TCF7L2: variants seen among roughly 807,000 people sequenced by gnomAD.
The protein encoded by TCF7L2 is transcription factor 7 like 2, also known as transcription factor 7-like 2.
Under a neutral mutation model 77.9 loss-of-function variants are expected in TCF7L2, and 23 were observed. The ratio of observed to expected loss-of-function variants is 0.30; its 90% CI spans 0.21 to 0.42. The LOEUF (loss-of-function observed/expected upper bound fraction) is 0.42, where lower values mean the gene tolerates loss of function less well. Among genes scored for constraint, TCF7L2 ranks in the 10% least tolerant of loss-of-function variants. The probability of loss-of-function intolerance (pLI) is 1.00; values close to 1 mark genes in which losing one functional copy is unlikely to be tolerated. For synonymous variants in TCF7L2, 413 were observed against 340.2 expected, an observed-to-expected ratio of 1.21 and a Z score of -2.36; for missense variants, 654 against 793.1, an observed-to-expected ratio of 0.82 and a Z score of 2.11.
chr10:113,160,079 C>A, intron 12 of TCF7L2, 87 bp downstream of exon 14: 2 of 1,228,312 alleles, frequency 1.6e-6, no homozygotes, highest in Non-Finnish European at 2.4e-6. Context: ...TGCTTTGTAG[C>A]TCTGTGTGTG....
At chr10:112,967,394 A>G (rs2037198834) in intron 4 of TCF7L2, among the ~76,000 whole-genome samples, 1 of 152,072 alleles carries the variant, frequency 6.6e-6, no homozygotes, top group Non-Finnish European at 1.5e-5. Flanking sequence ...TTCCCTTCCC[A>G]TCCCTCCTGT....
intron 4 of TCF7L2, among the ~76,000 whole-genome samples, chr10:112,988,460 A>C (rs1194894554): frequency 1.3e-5 from 2 of 151,986 alleles, no homozygotes; most frequent in Non-Finnish European, 2.9e-5. Context: ...CGTCCTTTTT[A>C]TCTTTCTTCC....
At chr10:113,070,266 A>AAAATATAT (rs1555004045) in intron 5 of TCF7L2, among the ~76,000 whole-genome samples, 2 of 96,464 alleles carry the variant, frequency 2.1e-5, no homozygotes, top group Admixed American at 2.0e-4. Flanking sequence ...AAAAAAAAAA[A>AAAATATAT]ATTTATATAT....
Position 113,147,754 on chromosome 10 carries a change from G to A in TCF7L2, c.875+1657G>A, listed in dbSNP as rs909306550. On this transcript the variant is annotated intron_variant, in intron 8 of 13. Transcript: ENST00000627217. ...TTTTTCATGTTTGTTTATTTGGTGCGTTCTGGAGGTTAACAGTGGTAAAGT... is the reference window on the plus strand; with the variant it reads ...TTTTTCATGTTTGTTTATTTGGTGCATTCTGGAGGTTAACAGTGGTAAAGT... Among the ~76,000 whole-genome samples, 8 of 152,210 alleles carry A rather than the reference G, an allele frequency of 5.3e-5. No individual in the cohort carries two copies. The East Asian group carries it at 5.8e-4, about 11-fold the overall frequency.
intron 4 of TCF7L2, among the ~76,000 whole-genome samples, chr10:112,984,931 C>A (rs777156537): frequency 2.6e-5 from 4 of 152,150 alleles, no homozygotes; most frequent in Admixed American, 2.6e-4. Context: ...ATGGATAAAA[C>A]GCTTTGGCAC....
chr10:113,158,035 G>A lies in TCF7L2; in HGVS notation c.1284G>A (p.Lys428=), dbSNP rs1564980695. Residue 428 remains lysine, a synonymous_variant, in exon 12 of 14, where the codon AAG becomes AAA. Transcript: ENST00000627217. ...TCTTCATCTAGGGAAAGAAGAAGAA[G>A]AGGAAAAGGGACAAGCAGCCGGGAG... 1 of 1,596,500 alleles carries A rather than the reference G, an allele frequency of 6.3e-7. No homozygotes were observed. The highest frequency in any genetic ancestry group is 8.5e-7 in the Non-Finnish European group (1 of 1,170,620).
chr10:113,096,396 T>C (rs2060975705), intron 5 of TCF7L2, among the ~76,000 whole-genome samples: 1 of 152,234 alleles, frequency 6.6e-6, no homozygotes, highest in Non-Finnish European at 1.5e-5. Context: ...TGAGTTCTTA[T>C]TCTTCCTTAT....
chr10:112,993,198 A>C (rs746556578), intron 4 of TCF7L2, among the ~76,000 whole-genome samples: 2 of 151,964 alleles, frequency 1.3e-5, no homozygotes, highest in Non-Finnish European at 2.9e-5. Context: ...GGACCTGGAG[A>C]ATGGGTCTTT....
chr10:113,166,069 C>CT lies in TCF7L2; in HGVS notation c.*98dup. On this transcript the variant is annotated 3_prime_UTR_variant, in exon 14 of 14. Transcript: ENST00000627217. ...ACCTTGAAAGGTTTTGTTTTGTACT[C>CT]TCTTAATTTTGTGCCATGTGGCTAC... is the stretch of plus-strand genomic sequence containing the variant. 3 of 1,203,886 alleles carry CT rather than the reference C, an allele frequency of 2.5e-6. No homozygotes were observed. Among genetic ancestry groups the CT allele is most frequent in the Non-Finnish European group, 3.3e-6 (3 of 922,988 alleles). 74.6% of individuals were successfully genotyped at this position (1,203,886 alleles called of 1,614,324 possible).
intron 13 of TCF7L2, chr10:113,161,630 C>T (rs1427840308): frequency 6.5e-7 from 1 of 1,535,832 alleles, no homozygotes; most frequent in Non-Finnish European, 8.7e-7. Context: ...CCTAAACACG[C>T]TTCCCTGTTT....
At chr10:112,990,549 A>G (rs1347931223) in intron 4 of TCF7L2, among the ~76,000 whole-genome samples, 1 of 151,890 alleles carries the variant, frequency 6.6e-6, no homozygotes, top group African/African-American at 2.4e-5. Flanking sequence ...TCTACAAACA[A>G]AACAAAATCT....
At chr10:113,133,662 C>T (rs1834205158) in intron 5 of TCF7L2, among the ~76,000 whole-genome samples, 1 of 152,198 alleles carries the variant, frequency 6.6e-6, no homozygotes, top group Non-Finnish European at 1.5e-5. Context: ...TCAGTCATTT[C>T]CCAGCAAGAA....
intron 5 of TCF7L2, among the ~76,000 whole-genome samples, chr10:113,108,116 C>A (rs1258936883): frequency 6.6e-6 from 1 of 152,164 alleles, no homozygotes; most frequent in Admixed American, 6.5e-5. Context: ...CTTGGCTCTT[C>A]TTAGGGGACA....
chr10:112,978,754 T>C (rs1273025336), intron 4 of TCF7L2, among the ~76,000 whole-genome samples: 1 of 151,656 alleles, frequency 6.6e-6, no homozygotes, highest in Non-Finnish European at 1.5e-5. Flanking sequence ...GCTGGGATTA[T>C]AGGTGTGAGC....
At chr10:113,123,256 A>G (rs551468850) in intron 5 of TCF7L2, among the ~76,000 whole-genome samples, 2 of 152,228 alleles carry the variant, frequency 1.3e-5, no homozygotes, top group Non-Finnish European at 2.9e-5. Flanking sequence ...GCTGCCTATT[A>G]ACAACTCCGG....
intron 5 of TCF7L2, among the ~76,000 whole-genome samples, chr10:113,110,383 T>TTC (rs1239709456): frequency 6.6e-6 from 1 of 151,660 alleles, no homozygotes; most frequent in Non-Finnish European, 1.5e-5. Flanking sequence ...TTTTTTTTTT[T>TTC]TTTTTTTACG....
At chr10:112,967,185 C>T (rs966250110) in intron 4 of TCF7L2, among the ~76,000 whole-genome samples, 4 of 152,178 alleles carry the variant, frequency 2.6e-5, no homozygotes, top group Non-Finnish European at 5.9e-5. Context: ...TCCTTTCGCT[C>T]CATTCTCCAA....
chr10:112,958,507 G>C (rs2034254451), intron 3 of TCF7L2, among the ~76,000 whole-genome samples: 1 of 151,884 alleles, frequency 6.6e-6, no homozygotes, highest in African/African-American at 2.4e-5. Flanking sequence ...GATTCAAATG[G>C]AGCTAAGACC....
intron 4 of TCF7L2, among the ~76,000 whole-genome samples, chr10:112,996,954 C>T (rs948885636): frequency 6.6e-5 from 10 of 152,104 alleles, no homozygotes; most frequent in African/African-American, 1.9e-4. Flanking sequence ...GTTCATGCTC[C>T]GCCATGATGG....
Sources: allele counts gnomAD v4.1 joint callset (sites outside exome capture counted in the v4.1 genomes callset), GRCh38; gene constraint gnomAD v4.1.1; transcripts MANE v1.5; gene names NCBI Gene and HGNC (gene_info 2026-07-23, HGNC 2026-07-21).